Variants in MBNL2 observed in about 807,000 individuals in gnomAD.
The protein encoded by MBNL2 is muscleblind like splicing regulator 2.
Under a neutral mutation model 41.9 loss-of-function variants are expected in MBNL2, and 17 were observed. That is an observed-to-expected ratio of 0.41 (90% CI 0.28 to 0.61). The LOEUF is 0.61. Ranked by LOEUF, MBNL2 falls within the 20% of genes least tolerant of loss-of-function variation. The pLI, the probability that MBNL2 is intolerant of heterozygous loss-of-function variation, is 0.35. For missense variants in MBNL2, 336 were observed against 505.6 expected (o/e 0.66, Z 3.22); for synonymous variants, 195 against 182.9 (o/e 1.07, Z -0.53).
chr13:97,337,691 A>T (rs1253148546), intron 3 of MBNL2, among the ~76,000 whole-genome samples: 2 of 152,194 alleles, frequency 1.3e-5, no homozygotes, highest in African/African-American at 2.4e-5. Flanking sequence ...AATTCTTCCC[A>T]TTTTAATAAA....
intron 2 of MBNL2, among the ~76,000 whole-genome samples, chr13:97,321,045 T>C (rs1054525977): frequency 2.0e-5 from 3 of 152,186 alleles, no homozygotes; most frequent in Admixed American, 6.5e-5. Context: ...TCCACCCTAA[T>C]GTCCTCCCTG....
intron 8 of MBNL2, among the ~76,000 whole-genome samples, chr13:97,369,764 T>G (rs1478327116): frequency 2.6e-5 from 4 of 152,232 alleles, no homozygotes; most frequent in Non-Finnish European, 5.9e-5. Context: ...ATAAAAGTTT[T>G]CACTGAATTT....
At chr13:97,333,491 T>C (rs536752676) in intron 2 of MBNL2, among the ~76,000 whole-genome samples, 37 of 152,346 alleles carry the variant, frequency 2.4e-4, no homozygotes, top group Admixed American at 2.3e-3. Flanking sequence ...TGGGAGGAAC[T>C]CCTGTCATGA....
chr13:97,160,740 T>A, the MBNL2 span, among the ~76,000 whole-genome samples: 2 of 152,240 alleles, frequency 1.3e-5, no homozygotes, highest in Non-Finnish European at 2.9e-5. Flanking sequence ...AATTCTGGCT[T>A]TCCAAACTTG....
rs2047865221 is a variant in MBNL2 at position 97,257,889 on chromosome 13, CTG to C, written c.-604-17740_-604-17739del. ...CTCGCGCCCAAGGGCAGATCAGTGA[CTG>C]TGATTTCGCCTTTCTCCCCATTTCT... is the stretch of plus-strand genomic sequence containing the variant. On this transcript the variant is annotated intron_variant, in intron 1 of 8. Transcript: ENST00000679496. Among the ~76,000 whole-genome samples, 3 of 152,224 alleles carry C rather than the reference CTG, an allele frequency of 2.0e-5. No individual in the cohort carries two copies. The South Asian group carries it at 6.2e-4, about 32-fold the overall frequency.
At chr13:97,256,144 A>C (rs1342197141) in intron 1 of MBNL2, among the ~76,000 whole-genome samples, 1 of 152,218 alleles carries the variant, frequency 6.6e-6, no homozygotes, top group Non-Finnish European at 1.5e-5. Flanking sequence ...GGCTGACAGA[A>C]CAGTTGGATT....
chr13:97,191,416 C>A, the MBNL2 span, among the ~76,000 whole-genome samples: 1 of 151,170 alleles, frequency 6.6e-6, no homozygotes, highest in African/African-American at 2.4e-5. Context: ...CCCAATAAAA[C>A]CCTGCTTTAC....
At chr13:97,348,787 A>G (rs2062141136) in intron 5 of MBNL2, among the ~76,000 whole-genome samples, 2 of 152,226 alleles carry the variant, frequency 1.3e-5, no homozygotes, top group Admixed American at 1.3e-4. Context: ...CCATCACCTC[A>G]GCCATCACCT....
chr13:97,153,200 AGT>A, the MBNL2 span, among the ~76,000 whole-genome samples: 1 of 152,182 alleles, frequency 6.6e-6, no homozygotes, highest in South Asian at 2.1e-4. Flanking sequence ...AGCTGTGAAT[AGT>A]GTGTTCTTGA....
chr13:97,240,167 G>C (rs2044007633), intron 1 of MBNL2, among the ~76,000 whole-genome samples: 1 of 152,160 alleles, frequency 6.6e-6, no homozygotes, highest in South Asian at 2.1e-4. Context: ...GTGGGGCCTA[G>C]GAACCCACAT....
At chr13:97,335,971 A>G (rs1363069686) in intron 3 of MBNL2, among the ~76,000 whole-genome samples, 4 of 152,246 alleles carry the variant, frequency 2.6e-5, no homozygotes, top group Non-Finnish European at 1.5e-5. Flanking sequence ...CAATAAATTT[A>G]GAGCCAGCAA....
At chr13:97,180,722 A>G in the MBNL2 span, among the ~76,000 whole-genome samples, 1 of 140,344 alleles carries the variant, frequency 7.1e-6, no homozygotes, top group Non-Finnish European at 1.5e-5. Flanking sequence ...AGGCTGGGCG[A>G]CAGAGTGAGA....
chr13:97,224,806 G>T (rs1298557212), intron 1 of MBNL2, among the ~76,000 whole-genome samples: 2 of 152,074 alleles, frequency 1.3e-5, no homozygotes, highest in Non-Finnish European at 2.9e-5. Flanking sequence ...AATTTTTTAG[G>T]GATACTTTTT....
intron 7 of MBNL2, among the ~76,000 whole-genome samples, chr13:97,361,044 C>T (rs922879008): frequency 2.0e-5 from 3 of 152,098 alleles, no homozygotes; most frequent in African/African-American, 7.2e-5. Flanking sequence ...ACCTTGAACC[C>T]GTGGTATGTT....
intron 8 of MBNL2, among the ~76,000 whole-genome samples, chr13:97,377,773 G>A (rs1033653279): frequency 4.6e-5 from 7 of 152,212 alleles, no homozygotes; most frequent in African/African-American, 1.7e-4. Context: ...AAGGAAAAAA[G>A]TTAAAATAGG....
rs1388397365 is a variant in MBNL2, at chr13:97,334,969, A to G, written c.339+529A>G. Among the ~76,000 whole-genome samples, 4 of 152,204 alleles carry G rather than the reference A, an allele frequency of 2.6e-5. No individual in the cohort carries two copies. The highest frequency in any genetic ancestry group is 7.2e-5 in the African/African-American group (3 of 41,454). On this transcript the variant is annotated intron_variant, in intron 3 of 8. Transcript: ENST00000679496. The surrounding 1 kb of genome is among the most constrained non-coding windows in gnomAD (Gnocchi z 5.3). ...CAGTGTGTTCCAGGAAGATCCTAGTAACAGCCCCCAAAGAAGGATGTCAAA... is the reference window on the plus strand; with the variant it reads ...CAGTGTGTTCCAGGAAGATCCTAGTGACAGCCCCCAAAGAAGGATGTCAAA...
chr13:97,218,988 T>C (rs966565894), upstream of MBNL2, among the ~76,000 whole-genome samples: 18 of 151,904 alleles, frequency 1.2e-4, no homozygotes, highest in East Asian at 3.1e-3. Context: ...ACCAAATTAA[T>C]GTATAACCAT....
chr13:97,218,430 C>CAAAAAAAAAA (rs746110575), upstream of MBNL2, among the ~76,000 whole-genome samples: 73 of 68,938 alleles, frequency 1.1e-3, no homozygotes, highest in Non-Finnish European at 1.3e-3. Flanking sequence ...AAAAACAAAA[C>CAAAAAAAAAA]AAAACAAAAC....
chr13:97,362,030 C>A (rs1448292179), intron 7 of MBNL2, among the ~76,000 whole-genome samples: 1 of 152,072 alleles, frequency 6.6e-6, no homozygotes, highest in East Asian at 1.9e-4. Context: ...CCTCAGCCTC[C>A]CAAAGTGCTG....
Sources: allele counts gnomAD v4.1 joint callset (sites outside exome capture counted in the v4.1 genomes callset), GRCh38; gene constraint gnomAD v4.1.1; non-coding constraint Gnocchi (gnomAD v3.1); transcripts MANE v1.5; gene names NCBI Gene and HGNC (gene_info 2026-07-23, HGNC 2026-07-21).